Variants in EPHA5 observed in about 807,000 individuals in gnomAD.
EPHA5 encodes ephrin type-A receptor 5.
In EPHA5, 60 loss-of-function variants were observed where a neutral mutation model predicts 105.0. The observed-to-expected ratio is 0.57, with a 90% CI of 0.46 to 0.71. The LOEUF (loss-of-function observed/expected upper bound fraction) is 0.71. Ranked by LOEUF, EPHA5 falls within the 30% of genes least tolerant of loss-of-function variation. The pLI, the probability that EPHA5 is intolerant of heterozygous loss-of-function variation, is 0.00. For synonymous variants in EPHA5, 513 were observed against 449.1 expected (o/e 1.14, Z -1.80); for missense variants, 1,218 against 1,274.7 (o/e 0.96, Z 0.68).
intron 4 of EPHA5, among the ~76,000 whole-genome samples, chr4:65,493,706 G>A (rs1330054838): frequency 3.3e-5 from 5 of 151,998 alleles, no homozygotes; most frequent in Non-Finnish European, 7.4e-5. Context: ...AAGCCTGACT[G>A]TGGGCTTTGG....
At chr4:65,393,065 T>C (rs184971356) in intron 8 of EPHA5, among the ~76,000 whole-genome samples, 1 of 152,278 alleles carries the variant, frequency 6.6e-6, no homozygotes. Flanking sequence ...GGAAATTTCT[T>C]TTTCCTCTAT....
chr4:65,413,222 C>T (rs1192782744), intron 7 of EPHA5, among the ~76,000 whole-genome samples: 1 of 152,024 alleles, frequency 6.6e-6, no homozygotes, highest in Non-Finnish European at 1.5e-5. Flanking sequence ...TCAGTAGCTT[C>T]AGTTAAACTT....
At chr4:65,405,795 G>C (rs1240610216) in intron 7 of EPHA5, among the ~76,000 whole-genome samples, 1 of 152,000 alleles carries the variant, frequency 6.6e-6, no homozygotes, top group African/African-American at 2.4e-5. Context: ...GTATAAATGA[G>C]GTAGGAAAAA....
chr4:65,496,251 T>G (rs905186001), intron 3 of EPHA5, among the ~76,000 whole-genome samples: 6 of 152,062 alleles, frequency 3.9e-5, no homozygotes, highest in East Asian at 1.9e-4. Context: ...TATTATACTT[T>G]AAGTTTTAGG....
chr4:65,417,004 G>C (rs1298083614), intron 6 of EPHA5, among the ~76,000 whole-genome samples: 3 of 152,206 alleles, frequency 2.0e-5, no homozygotes, highest in Non-Finnish European at 2.9e-5. Flanking sequence ...TCGTGCCCCA[G>C]CTGAGCAAAT....
At chr4:65,393,591 T>A (rs1219084440) in intron 8 of EPHA5, among the ~76,000 whole-genome samples, 3 of 152,216 alleles carry the variant, frequency 2.0e-5, no homozygotes. Flanking sequence ...TTCATTTTAA[T>A]CAATGCCTTT....
At chr4:65,484,523 C>A (rs1730689978) in intron 5 of EPHA5, among the ~76,000 whole-genome samples, 1 of 152,138 alleles carries the variant, frequency 6.6e-6, no homozygotes, top group African/African-American at 2.4e-5. Flanking sequence ...CATTTTGCTA[C>A]CCATAGCATG....
chr4:65,404,423 C>T lies in EPHA5; in HGVS notation c.1744G>A (p.Val582Met), dbSNP rs1040185226. ...ACCACTGCCAACAAAATGACTCCCA[C>T]TGTCACAGACACAGCAATTACAGGA... ...QIPVIAVSVT[V>M]GVILLAVVIG... is the part of the protein sequence containing the mutation. Residue 582 changes from valine (V) to methionine (M), a missense_variant, in exon 8 of 17, where the codon GTG becomes ATG. Physicochemically the swap from Val to Met is conservative, Grantham distance 21 (BLOSUM62 1). Coordinates refer to ENST00000613740, the MANE Select transcript of EPHA5 (RefSeq NM_001281766.3). 11 of 1,613,698 alleles carry T rather than the reference C, an allele frequency of 6.8e-6. No individual in the cohort carries two copies. The highest frequency in any genetic ancestry group is 1.3e-5 in the African/African-American group (1 of 74,912).
chr4:65,551,445 T>C (rs1176301389), intron 3 of EPHA5, among the ~76,000 whole-genome samples: 1 of 152,038 alleles, frequency 6.6e-6, no homozygotes, highest in Admixed American at 6.6e-5. Context: ...GAAAAAGCAA[T>C]TGACTGTCCT....
intron 8 of EPHA5, among the ~76,000 whole-genome samples, chr4:65,389,333 T>A (rs1203942257): frequency 6.6e-6 from 1 of 152,012 alleles, no homozygotes; most frequent in Non-Finnish European, 1.5e-5. Flanking sequence ...CTAGGAAAAA[T>A]TAACATTAAT....
At chr4:65,584,708 A>G (rs1741948525) in intron 3 of EPHA5, among the ~76,000 whole-genome samples, 1 of 151,956 alleles carries the variant, frequency 6.6e-6, no homozygotes, top group Non-Finnish European at 1.5e-5. Flanking sequence ...GGACATGTAC[A>G]TTTTTAATGG....
rs115624391 is a variant in EPHA5, at chr4:65,396,883, G to A, written c.1793+7491C>T. Among the ~76,000 whole-genome samples, 333 of 152,244 alleles carry A rather than the reference G, an allele frequency of 2.2e-3. 2 individuals carry two copies. The highest frequency in any genetic ancestry group is 7.6e-3 in the African/African-American group (314 of 41,544). On this transcript the variant is annotated intron_variant, in intron 8 of 16. Coordinates refer to ENST00000613740, the MANE Select transcript of EPHA5 (RefSeq NM_001281766.3). ...GTACTTTAGAGAACCTCCTGAAAGT[G>A]GCCACCACAGTCTTTTACAATAGGA...
intron 1 of EPHA5, among the ~76,000 whole-genome samples, chr4:65,659,816 C>T (rs1029912059): frequency 6.6e-6 from 1 of 151,974 alleles, no homozygotes; most frequent in Admixed American, 6.6e-5. Context: ...AAAGCTAAGC[C>T]TTATAAAATT....
chr4:65,428,284 T>A (rs1724642288), intron 5 of EPHA5, among the ~76,000 whole-genome samples: 1 of 152,104 alleles, frequency 6.6e-6, no homozygotes, highest in Non-Finnish European at 1.5e-5. Flanking sequence ...TATTATACCC[T>A]TTATATTTTT....
At chr4:65,487,495 A>G (rs749141856) in intron 5 of EPHA5, among the ~76,000 whole-genome samples, 1 of 152,154 alleles carries the variant, frequency 6.6e-6, no homozygotes, top group Non-Finnish European at 1.5e-5. Context: ...AACCTCCCCA[A>G]TGGCTCCCAT....
intron 5 of EPHA5, among the ~76,000 whole-genome samples, chr4:65,432,137 C>G (rs1299193781): frequency 1.3e-5 from 2 of 152,038 alleles, no homozygotes; most frequent in African/African-American, 2.4e-5. Flanking sequence ...GATTCTAGCT[C>G]AAGTTTAATG....
intron 3 of EPHA5, among the ~76,000 whole-genome samples, chr4:65,507,658 C>T (rs1464395965): frequency 2.6e-5 from 4 of 151,932 alleles, no homozygotes; most frequent in African/African-American, 9.7e-5. Flanking sequence ...TCATGATTTT[C>T]CTCCCTATTT....
chr4:65,537,602 T>G (rs1045289039), intron 3 of EPHA5, among the ~76,000 whole-genome samples: 2 of 151,792 alleles, frequency 1.3e-5, no homozygotes, highest in Non-Finnish European at 3.0e-5. Context: ...TGAATGTTTC[T>G]GCATATTTGG....
At chr4:65,587,679 C>T (rs1216667896) in intron 3 of EPHA5, among the ~76,000 whole-genome samples, 4 of 152,154 alleles carry the variant, frequency 2.6e-5, no homozygotes, top group African/African-American at 9.7e-5. Flanking sequence ...CCTCTACTGT[C>T]TAGGGTAAGA....
Sources: allele counts gnomAD v4.1 joint callset (sites outside exome capture counted in the v4.1 genomes callset), GRCh38; gene constraint gnomAD v4.1.1; transcripts MANE v1.5; gene names NCBI Gene and HGNC (gene_info 2026-07-23, HGNC 2026-07-21).